The following NBEA variants were observed in gnomAD, a reference collection of about 807,000 sequenced individuals.
NBEA encodes the protein neurobeachin.
A neutral mutation model predicts 343.4 loss-of-function variants in NBEA; 44 were observed. The ratio of observed to expected loss-of-function variants is 0.13; its 90% CI spans 0.10 to 0.16. The LOEUF is 0.16. NBEA is among the 10% of genes least tolerant of loss of function. The pLI is 1.00. For missense variants in NBEA, 2,555 were observed against 3,631.3 expected, an observed-to-expected ratio of 0.70 and a Z score of 7.62; for synonymous variants, 1,175 against 1,238.7, an observed-to-expected ratio of 0.95 and a Z score of 1.08.
chr13:35,209,108 A>G (rs2073594733), intron 32 of NBEA, among the ~76,000 whole-genome samples: 1 of 152,180 alleles, frequency 6.6e-6, no homozygotes, highest in African/African-American at 2.4e-5. Context: ...GAGTGAAATC[A>G]GATTACTGAA....
At chr13:35,395,000 G>A (rs1182273331) in intron 38 of NBEA, among the ~76,000 whole-genome samples, 1 of 151,890 alleles carries the variant, frequency 6.6e-6, no homozygotes, top group Admixed American at 6.6e-5. Flanking sequence ...AATTTCTTTT[G>A]TAACCCATGT....
At chr13:35,278,413 C>T (rs2034798660) in intron 34 of NBEA, among the ~76,000 whole-genome samples, 2 of 152,030 alleles carry the variant, frequency 1.3e-5, no homozygotes, top group Non-Finnish European at 2.9e-5. Flanking sequence ...CAAGCCTAAT[C>T]CCTGCTAAAA....
At chr13:35,071,821 T>C (rs1232756104) in intron 10 of NBEA, among the ~76,000 whole-genome samples, 3 of 152,230 alleles carry the variant, frequency 2.0e-5, no homozygotes, top group Admixed American at 1.3e-4. Flanking sequence ...TTTCTAATAA[T>C]ATTATTTCTG....
In NBEA at chr13:35,056,384, G is replaced by GT. The variant is rs950940428; in HGVS notation, c.1092+262dup. Among the ~76,000 whole-genome samples, 13 of 151,930 alleles carry GT rather than the reference G, an allele frequency of 8.6e-5. 1 individual carries two copies. Among genetic ancestry groups the GT allele is most frequent in the East Asian group, 3.9e-4 (2 of 5,162 alleles). ...TCAAAAACCATGAATCCTGTATTCT[G>GT]TTTTTTTCCAGCATCAAGCACTAAA... is the stretch of plus-strand genomic sequence containing the variant. On this transcript the variant is annotated intron_variant, in intron 7 of 58. Transcript: ENST00000379939.
chr13:35,197,319 G>GT (rs971272161), intron 31 of NBEA, among the ~76,000 whole-genome samples: 32 of 151,656 alleles, frequency 2.1e-4, no homozygotes, highest in South Asian at 6.2e-4. Context: ...ACAAGCAAGT[G>GT]TTTTTTTTGT....
intron 16 of NBEA, among the ~76,000 whole-genome samples, chr13:35,123,014 G>A (rs537092338): frequency 3.3e-5 from 5 of 152,134 alleles, no homozygotes; most frequent in African/African-American, 4.8e-5. Context: ...ACAGGGTTAG[G>A]GTGCAGGTGG....
rs2036676914 is a variant in NBEA, at chr13:35,303,308, T to C, written c.5839-6220T>C. The stretch of plus-strand genomic sequence containing the variant: ...AGGTCTCATTACCAGTCACCTGGTT[T>C]CATATCTTTGGCAATAACAAGAGGT... On this transcript the variant is annotated intron_variant, in intron 35 of 58. Coordinates refer to ENST00000379939, the MANE Select transcript of NBEA (RefSeq NM_001385012.1). 2.6e-5 allele frequency among the ~76,000 whole-genome samples: 4 copies of C among 152,172 alleles called. No homozygotes were observed. The South Asian group carries it at 8.3e-4, about 32-fold the overall frequency.
In NBEA at chr13:35,288,664, A is replaced by G. The variant is rs539538686; in HGVS notation, c.5777-1725A>G. 1.2e-3 allele frequency among the ~76,000 whole-genome samples: 175 copies of G among 152,112 alleles called. 1 individual carries two copies. The highest frequency in any genetic ancestry group is 4.1e-3 in the African/African-American group (171 of 41,552). On this transcript the variant is annotated intron_variant, in intron 34 of 58. Coordinates refer to ENST00000379939, the MANE Select transcript of NBEA (RefSeq NM_001385012.1). ...TTCATTTTAAAAATTGGTTTCTGAG[A>G]AATTAATGCAATTTCATGTTTTTCC...
chr13:35,385,819 C>A (rs763838394), intron 38 of NBEA, among the ~76,000 whole-genome samples: 2 of 152,176 alleles, frequency 1.3e-5, no homozygotes, highest in Non-Finnish European at 2.9e-5. Context: ...ACTGACTGAA[C>A]AGGGATTGGC....
At chr13:35,626,048 TTTG>T (rs1341567608) in intron 48 of NBEA, among the ~76,000 whole-genome samples, 33 of 152,150 alleles carry the variant, frequency 2.2e-4, no homozygotes, top group Admixed American at 4.6e-4. Context: ...TAGCCTGGTG[TTTG>T]TTACCAGGGG....
At chr13:35,162,469 T>C (rs2152713849) in intron 23 of NBEA, among the ~76,000 whole-genome samples, 1 of 152,284 alleles carries the variant, frequency 6.6e-6, no homozygotes, top group Non-Finnish European at 1.5e-5. Flanking sequence ...TCAAGGTGGC[T>C]GCTTCAGCTC....
intron 41 of NBEA, among the ~76,000 whole-genome samples, chr13:35,509,828 A>T (rs931187983): frequency 6.6e-6 from 1 of 152,224 alleles, no homozygotes; most frequent in Non-Finnish European, 1.5e-5. Flanking sequence ...GACTGAAAAT[A>T]GCCATTGAAT....
At position 35,557,298 on chromosome 13, in the gene NBEA, A is replaced by G. The variant is rs56902363; in HGVS notation, c.6922+2196A>G. Among the ~76,000 whole-genome samples the G allele has an allele frequency of 2.6e-3, 393 of 152,252 alleles. 3 individuals are homozygous for G. Among genetic ancestry groups the G allele is most frequent in the African/African-American group, 8.9e-3 (368 of 41,560 alleles). ...CCCACAGTGTGGTACAGTACCACCT[A>G]TAACTACCACCCACTTCATGCCTGT... On this transcript the variant is annotated intron_variant, in intron 44 of 58. Coordinates refer to ENST00000379939, the MANE Select transcript of NBEA (RefSeq NM_001385012.1).
At chr13:35,643,679 G>A (rs971468834) in intron 49 of NBEA, among the ~76,000 whole-genome samples, 3 of 152,154 alleles carry the variant, frequency 2.0e-5, no homozygotes, top group African/African-American at 7.2e-5. Context: ...AATATGCAGG[G>A]CATTCATTAT....
chr13:35,598,672 T>G (rs2081915170), intron 47 of NBEA, among the ~76,000 whole-genome samples: 1 of 152,228 alleles, frequency 6.6e-6, no homozygotes, highest in Non-Finnish European at 1.5e-5. Context: ...TATAATGCCC[T>G]AAGAATCCCT....
At chr13:35,469,924 C>A (rs1028243857) in intron 40 of NBEA, among the ~76,000 whole-genome samples, 2 of 152,174 alleles carry the variant, frequency 1.3e-5, no homozygotes, top group Non-Finnish European at 2.9e-5. Context: ...ATTTTAATAT[C>A]GGATCCCTAA....
At chr13:35,584,720 G>A (rs2081214111) in intron 46 of NBEA, among the ~76,000 whole-genome samples, 1 of 151,882 alleles carries the variant, frequency 6.6e-6, no homozygotes, top group South Asian at 2.1e-4. Context: ...GGCTGGTCTT[G>A]AACTCCTGAC....
At chr13:35,328,353 C>CA (rs562956607) in intron 36 of NBEA, among the ~76,000 whole-genome samples, 34 of 150,750 alleles carry the variant, frequency 2.3e-4, no homozygotes, top group African/African-American at 7.6e-4. Flanking sequence ...ATATTTCTGC[C>CA]AAAAAAATAA....
intron 49 of NBEA, among the ~76,000 whole-genome samples, chr13:35,638,207 T>C (rs1186414558): frequency 6.6e-6 from 1 of 152,194 alleles, no homozygotes; most frequent in African/African-American, 2.4e-5. Flanking sequence ...TGAATGTACT[T>C]AACACTACTG....
Sources: allele counts gnomAD v4.1 joint callset (sites outside exome capture counted in the v4.1 genomes callset), GRCh38; gene constraint gnomAD v4.1.1; transcripts MANE v1.5; gene names NCBI Gene and HGNC (gene_info 2026-07-23, HGNC 2026-07-21).